The following INSC variants were observed in gnomAD, a reference collection of about 807,000 sequenced individuals.
INSC encodes the protein protein inscuteable homolog.
In INSC, 67 loss-of-function variants were observed where a neutral mutation model predicts 58.6. The ratio of observed to expected loss-of-function variants is 1.14; its 90% CI spans 0.94 to 1.40. INSC has a LOEUF of 1.40. Among genes scored for constraint, INSC ranks in the 40% most tolerant of loss-of-function variants. The probability of loss-of-function intolerance (pLI) is 0.00; values close to 1 mark genes in which losing one functional copy is unlikely to be tolerated. For synonymous variants in INSC, 262 were observed against 276.1 expected (o/e 0.95, Z 0.51); for missense variants, 714 against 692.0 (o/e 1.03, Z -0.36).
At position 15,188,709 on chromosome 11, in the gene INSC, A is replaced by C. The variant is rs148653796; in HGVS notation, c.580-1992A>C. Reference sequence around the variant, plus strand: ...TTAACATGAAATTATTCTCAGACTTAAATTGTCTAATATTAGCAGCTGATT... The same window carrying C: ...TTAACATGAAATTATTCTCAGACTTCAATTGTCTAATATTAGCAGCTGATT... On this transcript the variant is annotated intron_variant, in intron 5 of 12. Transcript: ENST00000379556. 4.2e-4 allele frequency among the ~76,000 whole-genome samples: 64 copies of C among 152,356 alleles called. No homozygotes were observed. In the East Asian group the frequency reaches 9.3e-3, roughly 22 times the overall value.
intron 12 of INSC, chr11:15,241,583 T>G (rs1393035927): frequency 1.4e-6 from 1 of 702,880 alleles, no homozygotes; most frequent in Admixed American, 2.0e-5. Flanking sequence ...GGGATACAGC[T>G]GCAGGTAAAA....
chr11:15,210,400 G>GTTCTGTGGGCTACAGACATGCCTA (rs1554921668), intron 7 of INSC, among the ~76,000 whole-genome samples: 5,587 of 152,102 alleles, frequency 0.037, 346 homozygotes, highest in African/African-American at 0.13. Flanking sequence ...AGACATGCCT[G>GTTCTGTGGGCTACAGACATGCCTA]TTCTGTGGGT....
At chr11:15,171,083 GT>G (rs1849381393) in intron 2 of INSC, among the ~76,000 whole-genome samples, 2 of 152,190 alleles carry the variant, frequency 1.3e-5, no homozygotes, top group Admixed American at 1.3e-4. Flanking sequence ...TGACAAAAAT[GT>G]GAGTTGTGGA....
At position 15,243,881 on chromosome 11, in the gene INSC, C is replaced by T. The variant is rs1029138495; in HGVS notation, c.1471-2031C>T. ...AGGGCTCTCTCTTTTATTTTCTTTG[C>T]CACTATTTCTTTTTTTTTTTTCCTC... On this transcript the variant is annotated intron_variant, in intron 12 of 12. Coordinates refer to ENST00000379556, the MANE Select transcript of INSC (RefSeq NM_001042536.3). 4.0e-5 allele frequency among the ~76,000 whole-genome samples: 6 copies of T among 149,914 alleles called. No homozygotes were observed. The East Asian group carries it at 9.7e-4, about 24-fold the overall frequency.
At chr11:15,242,379 G>A (rs1357776933) in intron 12 of INSC, among the ~76,000 whole-genome samples, 3 of 152,168 alleles carry the variant, frequency 2.0e-5, no homozygotes, top group African/African-American at 7.2e-5. Context: ...TGAGTTGGTG[G>A]ATGCTGAAGA....
intron 9 of INSC, among the ~76,000 whole-genome samples, chr11:15,226,306 CAG>C (rs1851637366): frequency 6.6e-6 from 1 of 152,168 alleles, no homozygotes; most frequent in African/African-American, 2.4e-5. Flanking sequence ...CCATGAGAAA[CAG>C]GGGCTTGGAG....
intron 9 of INSC, among the ~76,000 whole-genome samples, chr11:15,234,347 T>C (rs903494030): frequency 1.8e-4 from 27 of 152,252 alleles, no homozygotes; most frequent in African/African-American, 5.8e-4. Context: ...ATTCTATTAA[T>C]ATGGTAAAGT....
chr11:15,214,300 G>T (rs1851133433), intron 7 of INSC, among the ~76,000 whole-genome samples: 1 of 152,174 alleles, frequency 6.6e-6, no homozygotes, highest in African/African-American at 2.4e-5. Context: ...AGGACAGAAA[G>T]AAAGAGAAAA....
chr11:15,203,011 A>G (rs1310362011), intron 7 of INSC, among the ~76,000 whole-genome samples: 1 of 152,252 alleles, frequency 6.6e-6, no homozygotes, highest in Non-Finnish European at 1.5e-5. Flanking sequence ...GTGCTGAGAT[A>G]GTCCACTACA....
the INSC span, among the ~76,000 whole-genome samples, chr11:15,256,376 CA>C: frequency 1.3e-5 from 2 of 152,164 alleles, no homozygotes; most frequent in Non-Finnish European, 2.9e-5. Flanking sequence ...TTGAAAAGTT[CA>C]CCATTTAGAT....
chr11:15,112,448 C>G (rs371575770), upstream of INSC: 5 of 1,577,232 alleles, frequency 3.2e-6, no homozygotes, highest in Non-Finnish European at 4.3e-6. Context: ...GACTTGGAGT[C>G]GCTGCAGCCA....
At chr11:15,136,989 A>G (rs976712345) in intron 1 of INSC, among the ~76,000 whole-genome samples, 5 of 152,238 alleles carry the variant, frequency 3.3e-5, no homozygotes, top group Non-Finnish European at 7.3e-5. Flanking sequence ...TTCTTAAATA[A>G]TAAGACTTGA....
chr11:15,204,600 A>C (rs1244750079), intron 7 of INSC, among the ~76,000 whole-genome samples: 1 of 152,212 alleles, frequency 6.6e-6, no homozygotes, highest in Non-Finnish European at 1.5e-5. Context: ...TGAGGATGGA[A>C]GATGGTGAAG....
At chr11:15,149,884 G>T (rs1411507687) in intron 2 of INSC, among the ~76,000 whole-genome samples, 2 of 152,148 alleles carry the variant, frequency 1.3e-5, no homozygotes, top group African/African-American at 4.8e-5. Flanking sequence ...AAGGTCACAA[G>T]AAATTAAATT....
chr11:15,194,712 A>T (rs1419577033), intron 6 of INSC, among the ~76,000 whole-genome samples: 2 of 152,204 alleles, frequency 1.3e-5, no homozygotes, highest in East Asian at 1.9e-4. Flanking sequence ...ACAGTTGAGG[A>T]AATGGTTTAA....
chr11:15,111,793 C>A (rs1000805207), upstream of INSC, among the ~76,000 whole-genome samples: 11 of 152,174 alleles, frequency 7.2e-5, no homozygotes, highest in African/African-American at 2.4e-4. Flanking sequence ...GAAACATGCA[C>A]ATAAGCTTCT....
chr11:15,112,436 G>A (rs1483867275), upstream of INSC: 2 of 1,556,140 alleles, frequency 1.3e-6, no homozygotes, highest in African/African-American at 2.7e-5. Context: ...CCTCTGTAAG[G>A]AGACTTGGAG....
chr11:15,127,340 T>G (rs1311113815), intron 1 of INSC, among the ~76,000 whole-genome samples: 2 of 152,182 alleles, frequency 1.3e-5, no homozygotes, highest in Non-Finnish European at 2.9e-5. Flanking sequence ...TGGCTTAACA[T>G]CAACAAGATT....
intron 9 of INSC, among the ~76,000 whole-genome samples, chr11:15,232,296 C>T (rs76483882): frequency 0.018 from 2,737 of 152,256 alleles, 89 homozygotes; most frequent in African/African-American, 0.063. Context: ...TTTCTTGACA[C>T]AGTCTTTCAA....
Sources: allele counts gnomAD v4.1 joint callset (sites outside exome capture counted in the v4.1 genomes callset), GRCh38; gene constraint gnomAD v4.1.1; transcripts MANE v1.5; gene names NCBI Gene and HGNC (gene_info 2026-07-23, HGNC 2026-07-21).